CACUL1: variants seen among roughly 807,000 people sequenced by gnomAD.
CACUL1 encodes CDK2 associated cullin domain 1.
Under a neutral mutation model 45.2 loss-of-function variants are expected in CACUL1, and 13 were observed. That is an observed-to-expected ratio of 0.29 (90% CI 0.19 to 0.46). The LOEUF is 0.46. CACUL1 is among the 20% of genes least tolerant of loss of function. The probability of loss-of-function intolerance (pLI) is 1.00; values close to 1 mark genes in which losing one functional copy is unlikely to be tolerated. For synonymous variants in CACUL1, 197 were observed against 174.2 expected, an observed-to-expected ratio of 1.13 and a Z score of -1.03; for missense variants, 421 against 471.4, an observed-to-expected ratio of 0.89 and a Z score of 0.99.
At chr10:118,729,912 C>A (rs926878142) in intron 2 of CACUL1, among the ~76,000 whole-genome samples, 4 of 152,170 alleles carry the variant, frequency 2.6e-5, no homozygotes, top group African/African-American at 9.7e-5. Flanking sequence ...TTAACAGGAG[C>A]TGAGAAACAA....
At chr10:118,704,290 TC>T (rs1447413231) in intron 4 of CACUL1, among the ~76,000 whole-genome samples, 1 of 152,190 alleles carries the variant, frequency 6.6e-6, no homozygotes, top group East Asian at 1.9e-4. Context: ...ATGTCACCTT[TC>T]TACTAAACTT....
rs1410908002 is a variant in CACUL1 at position 118,754,555 on chromosome 10, G to A, written c.208C>T (p.Pro70Ser). 7.4e-6 allele frequency: 12 copies of A among 1,612,058 alleles called. No individual in the cohort carries two copies. Among genetic ancestry groups the A allele is most frequent in the African/African-American group, 1.3e-5 (1 of 74,720 alleles). Reference sequence around the variant, plus strand: ...GGCCCCATCGGGAGCCCCTCCTTGGGGCCTTTCCTGTCCACGGAGACCGCG... The same window carrying A: ...GGCCCCATCGGGAGCCCCTCCTTGGAGCCTTTCCTGTCCACGGAGACCGCG... ...VPAVSVDRKG[P>S]KEGLPMGPQP... Residue 70 changes from proline to serine, a missense_variant, in exon 1 of 9, where the codon CCC becomes TCC. Pro to Ser is a moderately conservative substitution (Grantham distance 74). Around this residue, in one of 2 missense-constraint regions of CACUL1, gnomAD observed 213 missense variants for 173.1 expected, o/e 1.23. Transcript: ENST00000369151.
intron 1 of CACUL1, among the ~76,000 whole-genome samples, chr10:118,733,967 G>A (rs2119650174): frequency 6.6e-6 from 1 of 152,304 alleles, no homozygotes; most frequent in South Asian, 2.1e-4. Context: ...AGTGAGCCAT[G>A]TTCATAACCC....
chr10:118,742,599 G>A (rs1378382616), intron 1 of CACUL1, among the ~76,000 whole-genome samples: 2 of 152,104 alleles, frequency 1.3e-5, no homozygotes, highest in Admixed American at 6.5e-5. Flanking sequence ...GGGCCAGTTT[G>A]GTGGAGTATG....
intron 4 of CACUL1, among the ~76,000 whole-genome samples, chr10:118,706,028 CTTAA>C (rs1845429419): frequency 1.3e-5 from 2 of 152,184 alleles, no homozygotes; most frequent in South Asian, 4.1e-4. Context: ...TTCGTTTATT[CTTAA>C]TTGACACAGA....
intron 1 of CACUL1, among the ~76,000 whole-genome samples, chr10:118,752,348 G>A (rs2119691153): frequency 6.6e-6 from 1 of 152,216 alleles, no homozygotes; most frequent in African/African-American, 2.4e-5. Flanking sequence ...GTTACCAAGA[G>A]TTTTTATCAT....
intron 4 of CACUL1, among the ~76,000 whole-genome samples, chr10:118,702,878 G>A (rs1459962476): frequency 6.6e-6 from 1 of 151,820 alleles, no homozygotes; most frequent in Non-Finnish European, 1.5e-5. Flanking sequence ...CACCATGCCT[G>A]GCAAAAAAAG....
chr10:118,705,054 A>G (rs562455623), intron 4 of CACUL1, among the ~76,000 whole-genome samples: 15 of 152,382 alleles, frequency 9.8e-5, no homozygotes, highest in Non-Finnish European at 1.9e-4. Context: ...GTGAATTCTG[A>G]TAGTTGAAAT....
chr10:118,722,986 G>A lies in CACUL1; in HGVS notation c.597+6309C>T, dbSNP rs886579934. Among the ~76,000 whole-genome samples the A allele has an allele frequency of 4.6e-5, 7 of 152,286 alleles. 1 individual carries two copies. Among genetic ancestry groups the A allele is most frequent in the African/African-American group, 1.4e-4 (6 of 41,566 alleles). On this transcript the variant is annotated intron_variant, in intron 3 of 8. Transcript: ENST00000369151. ...TTAATTTGCATATAATTAAAAGTAG[G>A]TATGAGTGCAGAACTGCCTCTGAGC... is the stretch of plus-strand genomic sequence containing the variant.
rs1477317313 is a variant in CACUL1, at chr10:118,682,353, C to T, written c.*3775G>A. On this transcript the variant is annotated 3_prime_UTR_variant, in exon 9 of 9. Transcript: ENST00000369151. Reference sequence around the variant, plus strand: ...ATAACAGTTTAACTCAAGGGCAATGCTTCTTGCATAATAATCACAAAAATA... The same window carrying T: ...ATAACAGTTTAACTCAAGGGCAATGTTTCTTGCATAATAATCACAAAAATA... 2 of 152,176 alleles carry T rather than the reference C, an allele frequency of 1.3e-5. No homozygotes were observed. The highest frequency in any genetic ancestry group is 4.8e-5 in the African/African-American group (2 of 41,438). The allele number at this position is 152,176 out of a possible 1,614,324, so 9.4% of individuals were successfully genotyped here. A position where few individuals can be genotyped will look rare whatever the true frequency, so the allele number is the denominator to read the frequency against.
rs1010539359 is a variant in CACUL1 at position 118,679,552 on chromosome 10, CTT to C, written c.*6574_*6575del. ...GTTTTTTGCTTGAGATAGTTTCACT[CTT>C]GTCGCCCAGGCTGGAGTACAATAGT... On this transcript the variant is annotated 3_prime_UTR_variant, in exon 9 of 9. Transcript: ENST00000369151. The C allele has an allele frequency of 2.6e-5, 4 of 151,750 alleles. No homozygotes were observed. Among genetic ancestry groups the C allele is most frequent in the Admixed American group, 6.6e-5 (1 of 15,204 alleles). 9.4% of individuals were successfully genotyped at this position (151,750 alleles called of 1,614,324 possible).
intron 7 of CACUL1, chr10:118,686,913 C>G (rs1229897421): frequency 4.6e-6 from 2 of 438,234 alleles, no homozygotes; most frequent in Non-Finnish European, 8.1e-6. Flanking sequence ...GAGGTTCTGA[C>G]TAGGCCCTAA....
chr10:118,723,467 C>T (rs1022180721), intron 3 of CACUL1, among the ~76,000 whole-genome samples: 150 of 152,214 alleles, frequency 9.9e-4, no homozygotes, highest in African/African-American at 3.4e-3. Flanking sequence ...TGCATATTTT[C>T]CCTTCTTCAT....
chr10:118,709,529 G>T (rs181848514), intron 3 of CACUL1, among the ~76,000 whole-genome samples: 1 of 152,194 alleles, frequency 6.6e-6, no homozygotes. Context: ...AGTGTTGGGG[G>T]ACGAGCATGG....
rs555089926 is a variant in CACUL1 at position 118,684,042 on chromosome 10, C to G, written c.*2086G>C. ...GAGAAACTAAATTTTGCAAACTTTA[C>G]TTTGCCCACTTTTTATTAATACATA... is the stretch of plus-strand genomic sequence containing the variant. On this transcript the variant is annotated 3_prime_UTR_variant, in exon 9 of 9. Coordinates refer to ENST00000369151, the MANE Select transcript of CACUL1 (RefSeq NM_153810.5). 1 of 152,760 alleles carries G rather than the reference C, an allele frequency of 6.5e-6. No individual in the cohort carries two copies. The highest frequency in any genetic ancestry group is 1.9e-4 in the East Asian group (1 of 5,182). 9.5% of individuals were successfully genotyped at this position (152,760 alleles called of 1,614,324 possible). A position where few individuals can be genotyped will look rare whatever the true frequency, so the allele number is the denominator to read the frequency against.
At chr10:118,691,549 T>C (rs898618123) in intron 6 of CACUL1, 146 bp from the exon 7 acceptor site, 6 of 709,844 alleles carry the variant, frequency 8.5e-6, no homozygotes, top group Admixed American at 8.4e-5. Flanking sequence ...GTAAAGAACA[T>C]ACAAAGTTAA....
intron 1 of CACUL1, among the ~76,000 whole-genome samples, chr10:118,743,218 G>C (rs912313285): frequency 6.6e-6 from 1 of 151,876 alleles, no homozygotes; most frequent in African/African-American, 2.4e-5. Context: ...TTAAAAAAAT[G>C]AACAGAACCT....
rs1258130633 is a variant in CACUL1, at chr10:118,676,547, T to C, written c.*9581A>G. On this transcript the variant is annotated 3_prime_UTR_variant, in exon 9 of 9. Transcript: ENST00000369151. ...ACAGATCTTAATTAATGAAGTGACT[T>C]ATTCAGCTACAATAGTCATTAAAAC... 6.6e-6 allele frequency: 1 copy of C among 152,226 alleles called. No individual in the cohort carries two copies. Among genetic ancestry groups the C allele is most frequent in the Non-Finnish European group, 1.5e-5 (1 of 68,042 alleles). 9.4% of individuals were successfully genotyped at this position (152,226 alleles called of 1,614,324 possible).
chr10:118,724,476 T>G (rs1845633660), intron 3 of CACUL1, among the ~76,000 whole-genome samples: 1 of 152,170 alleles, frequency 6.6e-6, no homozygotes, highest in Non-Finnish European at 1.5e-5. Flanking sequence ...TTAAATAGGA[T>G]ACGTTAGGGT....
Sources: gnomAD v4.1 joint callset for allele counts (sites outside exome capture counted in the v4.1 genomes callset) on GRCh38, gnomAD v4.1.1 for gene constraint, gnomAD v4.1.1 regional missense constraint, MANE v1.5 for transcripts, NCBI Gene and HGNC (gene_info 2026-07-23, HGNC 2026-07-21) for gene names.